The following FNIP2 variants were observed in gnomAD, a reference collection of about 807,000 sequenced individuals.
The protein encoded by FNIP2 is folliculin interacting protein 2.
FNIP2 carries 32 observed loss-of-function variants against 108.7 expected under a neutral mutation model. The ratio of observed to expected loss-of-function variants is 0.29; its 90% CI spans 0.22 to 0.40. The LOEUF (loss-of-function observed/expected upper bound fraction) is 0.40, where lower values mean the gene tolerates loss of function less well. FNIP2 is among the 10% of genes least tolerant of loss of function. The probability of loss-of-function intolerance (pLI) is 1.00; values close to 1 mark genes in which losing one functional copy is unlikely to be tolerated. For missense variants in FNIP2, 1,202 were observed against 1,381.6 expected (o/e 0.87, Z 2.06); for synonymous variants, 480 against 496.7 (o/e 0.97, Z 0.45).
chr4:158,851,087 T>G (rs139240659), intron 7 of FNIP2, among the ~76,000 whole-genome samples: 49 of 152,338 alleles, frequency 3.2e-4, no homozygotes, highest in African/African-American at 1.2e-3. Flanking sequence ...ATTTTTGGAT[T>G]GTATTAAAAT....
At chr4:158,780,967 G>A (rs893165748) in intron 1 of FNIP2, among the ~76,000 whole-genome samples, 2 of 151,682 alleles carry the variant, frequency 1.3e-5, no homozygotes, top group Non-Finnish European at 2.9e-5. Flanking sequence ...CCCCAGAGGC[G>A]GAGGTTGCAG....
intron 1 of FNIP2, among the ~76,000 whole-genome samples, chr4:158,801,201 G>T (rs1292593546): frequency 6.6e-6 from 1 of 152,148 alleles, no homozygotes; most frequent in Non-Finnish European, 1.5e-5. Flanking sequence ...TGGGGAGGCG[G>T]TAGGGGCCGG....
At chr4:158,857,556 C>A (rs1298933983) in intron 8 of FNIP2, among the ~76,000 whole-genome samples, 2 of 152,162 alleles carry the variant, frequency 1.3e-5, no homozygotes, top group East Asian at 3.8e-4. Flanking sequence ...TACTGATTTA[C>A]CAACCATACC....
At chr4:158,834,316 C>CTCTCTCTCTCTCTT (rs1553959308) in intron 6 of FNIP2, 16 of 149,760 alleles carry the variant, frequency 1.1e-4, no homozygotes, top group African/African-American at 2.5e-5. Context: ...CTCTCTCTCT[C>CTCTCTCTCTCTCTT]TCTCTCTCTC....
chr4:158,774,419 CTTAAA>C (rs1287933427), intron 1 of FNIP2, among the ~76,000 whole-genome samples: 1 of 152,074 alleles, frequency 6.6e-6, no homozygotes, highest in Non-Finnish European at 1.5e-5. Context: ...TTTAAGATAA[CTTAAA>C]TAGCATTTAG....
At chr4:158,885,833 C>T (rs1047810863) in intron 14 of FNIP2, among the ~76,000 whole-genome samples, 14 of 152,174 alleles carry the variant, frequency 9.2e-5, no homozygotes, top group African/African-American at 3.4e-4. Context: ...ACTTCAGAGC[C>T]CTTGCTGTCA....
intron 7 of FNIP2, among the ~76,000 whole-genome samples, chr4:158,847,680 G>A (rs544138885): frequency 6.6e-6 from 1 of 152,224 alleles, no homozygotes; most frequent in Non-Finnish European, 1.5e-5. Flanking sequence ...GTGGGGTAGA[G>A]CACCAAGCAG....
intron 1 of FNIP2, among the ~76,000 whole-genome samples, chr4:158,769,545 C>T (rs1775623205): frequency 6.6e-6 from 1 of 152,176 alleles, no homozygotes; most frequent in East Asian, 1.9e-4. Context: ...GGGTCCTTCC[C>T]CATTTCAGAG....
Position 158,806,625 on chromosome 4 carries a change from CT to C in FNIP2, c.108-19290del, listed in dbSNP as rs201614516. 7.8e-3 allele frequency among the ~76,000 whole-genome samples: 1,195 copies of C among 152,284 alleles called. 5 individuals are homozygous for C. The highest frequency in any genetic ancestry group is 9.5e-3 in the Non-Finnish European group (648 of 68,022). ...TGTAAGCATGGGTATTTTTTAGTGACTATTGTGACTTCACTACCCATCTGTT... is the reference window on the plus strand; with the variant it reads ...TGTAAGCATGGGTATTTTTTAGTGACATTGTGACTTCACTACCCATCTGTT... On this transcript the variant is annotated intron_variant, in intron 1 of 16. Transcript: ENST00000264433.
In FNIP2 at chr4:158,868,368, C is replaced by T; in HGVS notation, c.1732C>T (p.Leu578Phe). Residue 578 changes from leucine to phenylalanine, a missense_variant, in exon 13 of 17, where the codon CTT (leucine) becomes TTT (phenylalanine). By Grantham distance (22) the Leu-to-Phe change is conservative (BLOSUM62 0). Around this residue, in one of 5 missense-constraint regions of FNIP2, gnomAD observed 878 missense variants for 990.3 expected, o/e 0.89. Coordinates refer to ENST00000264433, the MANE Select transcript of FNIP2 (RefSeq NM_020840.3). The surrounding 1 kb of genome is among the most constrained non-coding windows in gnomAD (Gnocchi z 4.6). ...VVITVRNEPA[L>F]VPPILPPTAA... is the part of the protein sequence containing the mutation. ...CATTACGGTGAGGAACGAGCCCGCT[C>T]TTGTACCCCCCATCCTACCACCAAC... is the stretch of plus-strand genomic sequence containing the variant. 1 of 1,613,996 alleles carries T rather than the reference C, an allele frequency of 6.2e-7. No homozygotes were observed. Among genetic ancestry groups the T allele is most frequent in the Non-Finnish European group, 8.5e-7 (1 of 1,179,892 alleles).
chr4:158,785,358 A>T (rs986016113), intron 1 of FNIP2, among the ~76,000 whole-genome samples: 8 of 152,124 alleles, frequency 5.3e-5, no homozygotes, highest in African/African-American at 1.9e-4. Context: ...TGCTGGGATT[A>T]CAGGCATGAG....
At chr4:158,855,031 A>C (rs1421203052) in intron 8 of FNIP2, among the ~76,000 whole-genome samples, 1 of 152,116 alleles carries the variant, frequency 6.6e-6, no homozygotes, top group East Asian at 1.9e-4. Flanking sequence ...GGGGAACAGG[A>C]ATCTTAGTTT....
In FNIP2 at chr4:158,814,112, T is replaced by A. The variant is rs1474502534; in HGVS notation, c.108-11804T>A. Among the ~76,000 whole-genome samples the A allele has an allele frequency of 1.1e-4, 16 of 152,252 alleles. No individual in the cohort carries two copies. In the East Asian group the frequency reaches 2.9e-3, roughly 28 times the overall value. On this transcript the variant is annotated intron_variant, in intron 1 of 16. Coordinates refer to ENST00000264433, the MANE Select transcript of FNIP2 (RefSeq NM_020840.3). Reference sequence around the variant, plus strand: ...CCTCCTCCTTCTCCTCCTTCTTCTTTTAAGAGATGGAGCCTCACTCTGCCC... The same window carrying A: ...CCTCCTCCTTCTCCTCCTTCTTCTTATAAGAGATGGAGCCTCACTCTGCCC...
At chr4:158,821,526 A>G (rs1023047983) in intron 1 of FNIP2, among the ~76,000 whole-genome samples, 3 of 152,234 alleles carry the variant, frequency 2.0e-5, no homozygotes, top group Admixed American at 6.5e-5. Context: ...GTGAATGTGA[A>G]TATGAAGAGA....
At chr4:158,797,683 A>T (rs1041528017) in intron 1 of FNIP2, among the ~76,000 whole-genome samples, 3 of 152,188 alleles carry the variant, frequency 2.0e-5, no homozygotes, top group Admixed American at 6.5e-5. Flanking sequence ...TGGGTGTCAG[A>T]GCAAGACCCT....
intron 14 of FNIP2, among the ~76,000 whole-genome samples, chr4:158,881,651 C>G (rs1183060104): frequency 6.6e-6 from 1 of 152,262 alleles, no homozygotes; most frequent in Non-Finnish European, 1.5e-5. Context: ...CGGGGTTTCA[C>G]TGTGTTGGCC....
At chr4:158,794,339 A>G (rs1199946538) in intron 1 of FNIP2, among the ~76,000 whole-genome samples, 1 of 150,936 alleles carries the variant, frequency 6.6e-6, no homozygotes, top group African/African-American at 2.4e-5. Context: ...TTTTTTTTGT[A>G]GACACAGGGT....
intron 1 of FNIP2, among the ~76,000 whole-genome samples, chr4:158,812,263 C>CT (rs1243583244): frequency 2.0e-5 from 3 of 152,198 alleles, no homozygotes; most frequent in Non-Finnish European, 2.9e-5. Flanking sequence ...ACATTCCCCT[C>CT]TGTCAGTAGG....
At chr4:158,834,069 C>T (rs1778638424) in intron 6 of FNIP2, 1 of 302,454 alleles carries the variant, frequency 3.3e-6, no homozygotes, top group Admixed American at 5.0e-5. Flanking sequence ...ATGAACCTCT[C>T]TTGTAAATGT....
Sources: gnomAD v4.1 joint callset for allele counts (sites outside exome capture counted in the v4.1 genomes callset) on GRCh38, gnomAD v4.1.1 for gene constraint, gnomAD v4.1.1 regional missense constraint, Gnocchi (gnomAD v3.1) non-coding constraint, MANE v1.5 for transcripts, NCBI Gene and HGNC (gene_info 2026-07-23, HGNC 2026-07-21) for gene names.